VPS13C: variants seen among roughly 807,000 people sequenced by gnomAD.
VPS13C encodes vacuolar protein sorting 13 homolog C, also known as intermembrane lipid transfer protein VPS13C.
VPS13C carries 358 observed loss-of-function variants against 456.8 expected under a neutral mutation model. The ratio of observed to expected loss-of-function variants is 0.78; its 90% CI spans 0.72 to 0.86. The LOEUF (loss-of-function observed/expected upper bound fraction) is 0.86, where lower values mean the gene tolerates loss of function less well. VPS13C is among the 40% of genes least tolerant of loss of function. The probability of loss-of-function intolerance (pLI) is 0.00; values close to 1 mark genes in which losing one functional copy is unlikely to be tolerated. For synonymous variants in VPS13C, 1,578 were observed against 1,486.7 expected (o/e 1.06, Z -1.41); for missense variants, 4,818 against 4,385.4 (o/e 1.10, Z -2.79).
intron 42 of VPS13C, 51 bp from the exon 43 acceptor site, chr15:61,947,360 C>T: frequency 1.5e-6 from 2 of 1,338,042 alleles, no homozygotes; most frequent in Non-Finnish European, 2.1e-6. Context: ...GATAATACAA[C>T]ACATACAATA....
In VPS13C at chr15:62,019,073, G is replaced by A. The variant is rs560435676; in HGVS notation, c.684+1406C>T. ...CTTCTAGATTTTCTAGTTTATTTGC[G>A]TAGAGGTGTTTATAGTATTCTCTGA... is the stretch of plus-strand genomic sequence containing the variant. On this transcript the variant is annotated intron_variant, in intron 9 of 84. Coordinates refer to ENST00000644861, the MANE Select transcript of VPS13C (RefSeq NM_020821.3). Among the ~76,000 whole-genome samples, 13 of 152,162 alleles carry A rather than the reference G, an allele frequency of 8.5e-5. No individual in the cohort carries two copies. In the South Asian group the frequency reaches 1.2e-3, roughly 15 times the overall value.
intron 66 of VPS13C, among the ~76,000 whole-genome samples, chr15:61,899,691 G>A (rs933422206): frequency 7.9e-5 from 12 of 150,956 alleles, no homozygotes; most frequent in East Asian, 7.8e-4. Flanking sequence ...GTACAAGGAC[G>A]AACTGGTACC....
chr15:62,044,766 TTTA>T (rs1470586830), intron 1 of VPS13C, among the ~76,000 whole-genome samples: 7 of 152,140 alleles, frequency 4.6e-5, no homozygotes, highest in African/African-American at 1.7e-4. Flanking sequence ...CAGTCCAACT[TTTA>T]TTATATTCAT....
chr15:61,871,911 C>G (rs1895059908), intron 79 of VPS13C, 78 bp downstream of exon 79: 4 of 1,254,238 alleles, frequency 3.2e-6, no homozygotes, highest in Non-Finnish European at 4.5e-6. Flanking sequence ...AAGTATATAG[C>G]AGCAATAACA....
intron 37 of VPS13C, among the ~76,000 whole-genome samples, chr15:61,955,038 G>A (rs1326141293): frequency 6.6e-6 from 1 of 152,052 alleles, no homozygotes; most frequent in South Asian, 2.1e-4. Context: ...AAAAGGGAGT[G>A]GGAGGTCAGG....
chr15:61,991,553 C>T, intron 17 of VPS13C, 120 bp downstream of exon 17: 2 of 1,117,014 alleles, frequency 1.8e-6, no homozygotes, highest in Non-Finnish European at 2.4e-6. Flanking sequence ...TATATATTTA[C>T]TATACTGAGG....
chr15:62,007,196 A>T (rs750557094), intron 15 of VPS13C, 112 bp downstream of exon 15: 15 of 895,864 alleles, frequency 1.7e-5, no homozygotes, highest in Non-Finnish European at 1.8e-5. Flanking sequence ...TCTCTCAAAA[A>T]GAGGTGAATT....
At chr15:61,990,742 C>T (rs2046199259) in intron 18 of VPS13C, among the ~76,000 whole-genome samples, 2 of 152,012 alleles carry the variant, frequency 1.3e-5, no homozygotes, top group Non-Finnish European at 2.9e-5. Context: ...ACCCAGGAGG[C>T]AGAGGTTGCA....
rs749620148 is a variant in VPS13C, at chr15:61,964,850, T to C, written c.3063A>G (p.Ser1021=). ...KTEQTVKVAF[S]SLNLLLQTQA... Reference sequence around the variant, plus strand: ...GTGTTTGCAGCAACAGATTTAAAGATGAAAAGGCCACCTAAAAATGTTTTA... The same window carrying C: ...GTGTTTGCAGCAACAGATTTAAAGACGAAAAGGCCACCTAAAAATGTTTTA... Residue 1021 remains serine, a synonymous_variant, in exon 31 of 85, where the codon TCA becomes TCG. Transcript: ENST00000644861. The C allele has an allele frequency of 8.1e-6, 13 of 1,598,574 alleles. No homozygotes were observed. The highest frequency in any genetic ancestry group is 1.1e-5 in the Non-Finnish European group (13 of 1,175,374).
intron 9 of VPS13C, among the ~76,000 whole-genome samples, chr15:62,014,408 A>G (rs931108201): frequency 1.3e-5 from 2 of 152,124 alleles, no homozygotes; most frequent in African/African-American, 4.8e-5. Context: ...CAGCATGTTC[A>G]GCAACACCAA....
intron 65 of VPS13C, among the ~76,000 whole-genome samples, chr15:61,908,148 A>C (rs924157673): frequency 6.6e-5 from 10 of 152,200 alleles, no homozygotes; most frequent in Non-Finnish European, 1.5e-5. Context: ...ATTACAATTT[A>C]AGAAGTATTT....
At chr15:62,010,099 A>T (rs1416455457) in intron 13 of VPS13C, among the ~76,000 whole-genome samples, 6 of 152,080 alleles carry the variant, frequency 3.9e-5, no homozygotes, top group Non-Finnish European at 8.8e-5. Flanking sequence ...CTGAGGTAGG[A>T]GAATGGCATG....
At chr15:61,894,261 T>C (rs1038633815) in intron 66 of VPS13C, among the ~76,000 whole-genome samples, 9 of 151,590 alleles carry the variant, frequency 5.9e-5, no homozygotes, top group Non-Finnish European at 1.3e-4. Flanking sequence ...TGAGACGAGA[T>C]TGCACCACTG....
intron 16 of VPS13C, among the ~76,000 whole-genome samples, chr15:61,998,991 A>C (rs2046496828): frequency 6.6e-6 from 1 of 152,258 alleles, no homozygotes; most frequent in South Asian, 2.1e-4. Flanking sequence ...TGTACAATAC[A>C]TATAACATCT....
At chr15:61,856,472 A>C in intron 82 of VPS13C, 63 bp from the exon 83 acceptor site, 1 of 1,591,140 alleles carries the variant, frequency 6.3e-7, no homozygotes, top group Non-Finnish European at 8.6e-7. Flanking sequence ...TCTTGCCAAT[A>C]TTTCACCCTA....
intron 45 of VPS13C, among the ~76,000 whole-genome samples, chr15:61,943,463 G>A (rs2044497488): frequency 6.6e-6 from 1 of 152,002 alleles, no homozygotes; most frequent in South Asian, 2.1e-4. Context: ...AAATAAAGCT[G>A]TACACCTACA....
At chr15:61,937,066 G>T (rs1043488862) in intron 47 of VPS13C, among the ~76,000 whole-genome samples, 22 of 151,932 alleles carry the variant, frequency 1.4e-4, no homozygotes, top group African/African-American at 5.3e-4. Context: ...TCTCCATTCT[G>T]TCTCTCTCTC....
Position 61,877,043 on chromosome 15 carries a change from T to G in VPS13C, c.10154A>C (p.Tyr3385Ser), listed in dbSNP as rs768679915. Residue 3385 changes from tyrosine to serine, a missense_variant, in exon 75 of 85, where the codon TAT (tyrosine) becomes TCT (serine). By Grantham distance (144) the Tyr-to-Ser change is moderately radical. Transcript: ENST00000644861. The part of the protein sequence containing the change: ...VDDLIFKLAY[Y>S]EIRYQFYKRD... ...CTTGTAGAACTGATATCGAATTTCATAATAAGCAAGTCTGGGAGGAGAAAA... is the reference window on the plus strand; with the variant it reads ...CTTGTAGAACTGATATCGAATTTCAGAATAAGCAAGTCTGGGAGGAGAAAA... The G allele has an allele frequency of 6.8e-6, 11 of 1,606,886 alleles. No homozygotes were observed. In the South Asian group the frequency reaches 1.1e-4, roughly 16 times the overall value.
intron 38 of VPS13C, 50 bp from the exon 39 acceptor site, chr15:61,952,030 GAAGGT>G: frequency 6.3e-7 from 1 of 1,576,962 alleles, no homozygotes; most frequent in Non-Finnish European, 8.6e-7. Context: ...AATATGCAAT[GAAGGT>G]AAGTCAAGAA....
Sources: allele counts gnomAD v4.1 joint callset (sites outside exome capture counted in the v4.1 genomes callset), GRCh38; gene constraint gnomAD v4.1.1; transcripts MANE v1.5; gene names NCBI Gene and HGNC (gene_info 2026-07-23, HGNC 2026-07-21).